Variants in FHIT observed in about 807,000 individuals in gnomAD.
FHIT encodes the protein fragile histidine triad diadenosine triphosphatase.
FHIT carries 19 observed loss-of-function variants against 17.9 expected under a neutral mutation model. The observed-to-expected ratio is 1.06, with a 90% CI of 0.74 to 1.56. The LOEUF is 1.56. Among genes scored for constraint, FHIT ranks in the 40% most tolerant of loss-of-function variants. The probability of loss-of-function intolerance (pLI) is 0.00; values close to 1 mark genes in which losing one functional copy is unlikely to be tolerated. For missense variants in FHIT, 248 were observed against 189.2 expected (o/e 1.31, Z -1.82); for synonymous variants, 81 against 69.7 (o/e 1.16, Z -0.81).
intron 4 of FHIT, among the ~76,000 whole-genome samples, chr3:60,609,336 T>TA (rs1422554359): frequency 1.1e-4 from 16 of 152,122 alleles, no homozygotes; most frequent in African/African-American, 3.4e-4. Flanking sequence ...TTTATTTATT[T>TA]TTTTTTTGAG....
At chr3:60,275,057 A>C (rs1357945772) in intron 5 of FHIT, among the ~76,000 whole-genome samples, 1 of 152,006 alleles carries the variant, frequency 6.6e-6, no homozygotes, top group African/African-American at 2.4e-5. Flanking sequence ...TTTGCATTTT[A>C]TTTAAAGACT....
chr3:59,922,027 G>T (rs1705430023), intron 8 of FHIT, among the ~76,000 whole-genome samples: 1 of 152,200 alleles, frequency 6.6e-6, no homozygotes, highest in South Asian at 2.1e-4. Context: ...TGGTAGCACT[G>T]TAGGTTTTCT....
intron 5 of FHIT, among the ~76,000 whole-genome samples, chr3:60,068,658 G>C (rs1203508999): frequency 1.3e-5 from 2 of 152,178 alleles, no homozygotes; most frequent in Non-Finnish European, 2.9e-5. Context: ...CATTTTGGTA[G>C]AGGAAATACT....
chr3:60,747,567 C>T (rs1209086545), intron 4 of FHIT, among the ~76,000 whole-genome samples: 1 of 152,100 alleles, frequency 6.6e-6, no homozygotes, highest in Non-Finnish European at 1.5e-5. Flanking sequence ...CATTTTGAAA[C>T]ATAACACAGC....
intron 1 of FHIT, among the ~76,000 whole-genome samples, chr3:61,240,396 C>A (rs757468467): frequency 2.0e-5 from 3 of 152,164 alleles, no homozygotes; most frequent in Non-Finnish European, 2.9e-5. Context: ...ATGGTGGCCT[C>A]TGATGCTAAG....
At chr3:60,349,191 C>G (rs888995393) in intron 5 of FHIT, among the ~76,000 whole-genome samples, 2 of 152,052 alleles carry the variant, frequency 1.3e-5, no homozygotes, top group African/African-American at 4.8e-5. Flanking sequence ...AGAGAAAAGA[C>G]AAAATTAAAT....
At chr3:61,194,842 A>T (rs1481689435) in intron 2 of FHIT, among the ~76,000 whole-genome samples, 2 of 152,182 alleles carry the variant, frequency 1.3e-5, no homozygotes, top group Non-Finnish European at 2.9e-5. Flanking sequence ...CCAAAAGAAC[A>T]CTTTTAGATC....
chr3:60,505,590 TGGA>T (rs754881639), intron 5 of FHIT, among the ~76,000 whole-genome samples: 1 of 152,216 alleles, frequency 6.6e-6, no homozygotes, highest in Non-Finnish European at 1.5e-5. Flanking sequence ...GCTTCCCATC[TGGA>T]GGAGATCATC....
intron 5 of FHIT, among the ~76,000 whole-genome samples, chr3:60,087,593 C>T (rs1181323990): frequency 1.3e-5 from 2 of 152,154 alleles, no homozygotes; most frequent in Non-Finnish European, 2.9e-5. Flanking sequence ...CTAGCATTTT[C>T]ATCCACCAGA....
At chr3:60,272,019 C>G (rs948751282) in intron 5 of FHIT, among the ~76,000 whole-genome samples, 6 of 152,192 alleles carry the variant, frequency 3.9e-5, no homozygotes, top group Non-Finnish European at 7.3e-5. Flanking sequence ...AGACTACTAA[C>G]TGGAGGAAGT....
At chr3:60,125,143 G>C (rs930329980) in intron 5 of FHIT, among the ~76,000 whole-genome samples, 1 of 152,158 alleles carries the variant, frequency 6.6e-6, no homozygotes, top group Non-Finnish European at 1.5e-5. Context: ...GCCACTCCAA[G>C]AAGCTGACCT....
chr3:59,945,824 G>A (rs1229314118), intron 7 of FHIT, among the ~76,000 whole-genome samples: 2 of 152,138 alleles, frequency 1.3e-5, no homozygotes, highest in African/African-American at 2.4e-5. Flanking sequence ...CTTTGTTGAA[G>A]ATCAGATGGT....
At chr3:60,498,192 T>G (rs79012902) in intron 5 of FHIT, among the ~76,000 whole-genome samples, 1 of 152,196 alleles carries the variant, frequency 6.6e-6, no homozygotes, top group Non-Finnish European at 1.5e-5. Flanking sequence ...TTAAATACTA[T>G]TTTAAATTTA....
At chr3:60,131,630 C>T (rs894797348) in intron 5 of FHIT, among the ~76,000 whole-genome samples, 1 of 152,092 alleles carries the variant, frequency 6.6e-6, no homozygotes. Flanking sequence ...ACAGATATGT[C>T]TCCTTCTCTT....
At chr3:59,956,055 C>T (rs991148420) in intron 7 of FHIT, among the ~76,000 whole-genome samples, 3 of 152,214 alleles carry the variant, frequency 2.0e-5, no homozygotes, top group African/African-American at 7.2e-5. Context: ...TCCTCTGGCA[C>T]AGCTCTCTTC....
chr3:60,737,206 C>T (rs1356096679), intron 4 of FHIT, among the ~76,000 whole-genome samples: 1 of 152,182 alleles, frequency 6.6e-6, no homozygotes, highest in Admixed American at 6.5e-5. Flanking sequence ...TTCAGAGCCT[C>T]CTTGTTAATA....
At chr3:60,927,877 T>C (rs797043122) in intron 3 of FHIT, among the ~76,000 whole-genome samples, 68 of 152,192 alleles carry the variant, frequency 4.5e-4, no homozygotes, top group African/African-American at 1.6e-3. Flanking sequence ...AAGGGGGAAA[T>C]GTGGGGAAAA....
At chr3:59,851,725 T>C (rs538391089) in intron 8 of FHIT, among the ~76,000 whole-genome samples, 4 of 152,314 alleles carry the variant, frequency 2.6e-5, no homozygotes, top group African/African-American at 9.6e-5. Context: ...CAAGTTGCCA[T>C]TCCCACTAGA....
At chr3:60,157,913 G>C (rs1251916401) in intron 5 of FHIT, among the ~76,000 whole-genome samples, 1 of 152,070 alleles carries the variant, frequency 6.6e-6, no homozygotes. Context: ...CTTCAGGCTA[G>C]TTCCCTGAAT....
Sources: gnomAD v4.1 joint callset for allele counts (sites outside exome capture counted in the v4.1 genomes callset) on GRCh38, gnomAD v4.1.1 for gene constraint, MANE v1.5 for transcripts, NCBI Gene and HGNC (gene_info 2026-07-23, HGNC 2026-07-21) for gene names.